Variants in PWWP3B observed in about 807,000 individuals in gnomAD.
PWWP3B encodes PWWP domain-containing DNA repair factor 3B.
A neutral mutation model predicts 15.7 loss-of-function variants in PWWP3B; 5 were observed. The ratio of observed to expected loss-of-function variants is 0.32; its 90% CI spans 0.17 to 0.67. The LOEUF is 0.67. PWWP3B is among the 30% of genes least tolerant of loss of function. PWWP3B has a pLI of 0.74. For missense variants in PWWP3B, 519 were observed against 493.1 expected, an observed-to-expected ratio of 1.05 and a Z score of -0.50; for synonymous variants, 203 against 179.8, an observed-to-expected ratio of 1.13 and a Z score of -1.03.
chrX:106,206,845 A>G lies in PWWP3B; in HGVS notation c.1413A>G (p.Ser471=). The stretch of plus-strand genomic sequence containing the variant: ...GTGAGAGTATTGACTGGTGCATCTC[A>G]CTAATTTGTGACTACAGAGTTAGAA... ...DYSESIDWCI[S]LICDYRVRIG... is the part of the protein sequence containing the mutation. The change falls in exon 4 of 4, where the codon TCA becomes TCG. Residue 471 remains serine, a synonymous_variant. Coordinates refer to ENST00000357175, the MANE Select transcript of PWWP3B (RefSeq NM_001171020.2). The G allele has an allele frequency of 8.3e-7, 1 of 1,211,106 alleles. No individual in the cohort carries two copies. Among genetic ancestry groups the G allele is most frequent in the South Asian group, 1.8e-5 (1 of 56,937 alleles).
At chrX:106,200,771 G>A (rs1488815024) in intron 2 of PWWP3B, among the ~76,000 whole-genome samples, 3 of 111,672 alleles carry the variant, frequency 2.7e-5, no homozygotes, top group Non-Finnish European at 5.6e-5. Context: ...ATTGCCGGCC[G>A]GGCGCGGTGG....
Position 106,205,648 on chromosome X carries a change from A to ACTGT in PWWP3B, c.217_218insTGTC (p.Gln73LeufsTer28). 1 of 1,210,885 alleles carries ACTGT rather than the reference A, an allele frequency of 8.3e-7. No homozygotes were observed. The highest frequency in any genetic ancestry group is 1.1e-6 in the Non-Finnish European group (1 of 894,955). ...AAGCCATTGCTGCCTCATTAGGACT[A>ACTGT]CAGTCAGAGGACAGTGCTCCACCTA... On this transcript the variant is annotated frameshift_variant, in exon 4 of 4. Transcript: ENST00000357175. LOFTEE classifies it low-confidence loss of function (END_TRUNC).
intron 2 of PWWP3B, among the ~76,000 whole-genome samples, chrX:106,181,371 T>C (rs1922189919): frequency 9.0e-6 from 1 of 111,721 alleles, no homozygotes; most frequent in African/African-American, 3.3e-5. Flanking sequence ...CAGCGCTGAT[T>C]GGTCCATTTT....
chrX:106,189,617 T>A (rs1454396641), intron 2 of PWWP3B, among the ~76,000 whole-genome samples: 1 of 100,682 alleles, frequency 9.9e-6, no homozygotes, highest in African/African-American at 3.6e-5. Flanking sequence ...ATTTTCTTTT[T>A]TTTTTTTTTT....
chrX:106,174,019 G>A (rs575260089), intron 2 of PWWP3B, among the ~76,000 whole-genome samples: 2 of 111,800 alleles, frequency 1.8e-5, no homozygotes, highest in South Asian at 7.6e-4. Flanking sequence ...TAAACATTGG[G>A]TCCTGCCAAC....
At chrX:106,198,108 A>T (rs973219779) in intron 2 of PWWP3B, among the ~76,000 whole-genome samples, 1 of 111,864 alleles carries the variant, frequency 8.9e-6, no homozygotes, top group Admixed American at 9.5e-5. Flanking sequence ...CATTAAAATC[A>T]TACTTTAAAG....
chrX:106,169,283 G>A (rs1457602766), intron 1 of PWWP3B, among the ~76,000 whole-genome samples: 5 of 111,512 alleles, frequency 4.5e-5, no homozygotes, highest in Admixed American at 1.9e-4. Flanking sequence ...GTTCAAATAT[G>A]TGGCTAAATA....
intron 2 of PWWP3B, among the ~76,000 whole-genome samples, chrX:106,191,142 G>T (rs1322564447): frequency 4.5e-5 from 5 of 110,099 alleles, no homozygotes; most frequent in African/African-American, 1.7e-4. Flanking sequence ...GGGCAGTATG[G>T]CCATTTTCAC....
chrX:106,187,006 A>G (rs966824291), intron 2 of PWWP3B, among the ~76,000 whole-genome samples: 29 of 111,981 alleles, frequency 2.6e-4, no homozygotes, highest in Non-Finnish European at 3.6e-4. Flanking sequence ...AGCTAGACAG[A>G]AAAGTTCTCC....
intron 2 of PWWP3B, among the ~76,000 whole-genome samples, chrX:106,178,682 A>T (rs1196982247): frequency 8.9e-6 from 1 of 112,458 alleles, no homozygotes; most frequent in African/African-American, 3.2e-5. Flanking sequence ...GAAAACACTT[A>T]GTAGTATGCA....
chrX:106,178,976 A>G (rs771640889), intron 2 of PWWP3B, among the ~76,000 whole-genome samples: 1 of 111,941 alleles, frequency 8.9e-6, no homozygotes, highest in African/African-American at 3.2e-5. Context: ...AAGCCTGAGA[A>G]AGCTGCTTGC....
intron 2 of PWWP3B, among the ~76,000 whole-genome samples, chrX:106,192,732 G>T (rs1300507729): frequency 9.0e-6 from 1 of 110,597 alleles, no homozygotes; most frequent in East Asian, 2.8e-4. Flanking sequence ...AGAGATTCTG[G>T]TATGTTGTGT....
rs554367085 is a variant in PWWP3B, at chrX:106,180,704, G to A, written c.-401+9565G>A. ...AGTGACCTAAGAATTTTTGTTAGATGATTGAAAGTTCACTGACTGATTTCT... is the reference window on the plus strand; with the variant it reads ...AGTGACCTAAGAATTTTTGTTAGATAATTGAAAGTTCACTGACTGATTTCT... On this transcript the variant is annotated intron_variant, in intron 2 of 3. Coordinates refer to ENST00000357175, the MANE Select transcript of PWWP3B (RefSeq NM_001171020.2). Among the ~76,000 whole-genome samples the A allele has an allele frequency of 8.9e-5, 10 of 112,066 alleles. No individual in the cohort carries two copies. In the South Asian group the frequency reaches 3.7e-3, roughly 42 times the overall value.
At position 106,190,409 on chromosome X, in the gene PWWP3B, A is replaced by C. The variant is rs191096736; in HGVS notation, c.-400-13576A>C. ...TGGGGTTGTTTGTTTTTTTCTTGTA[A>C]ATTTGTTTGAGTTCATTGTAGATTC... On this transcript the variant is annotated intron_variant, in intron 2 of 3. Transcript: ENST00000357175. Among the ~76,000 whole-genome samples, 827 of 110,948 alleles carry C rather than the reference A, an allele frequency of 7.5e-3. 1 individual carries two copies. Among genetic ancestry groups the C allele is most frequent in the South Asian group, 0.041 (108 of 2,622 alleles).
intron 2 of PWWP3B, among the ~76,000 whole-genome samples, chrX:106,175,413 T>C (rs1388058367): frequency 9.2e-6 from 1 of 108,570 alleles, no homozygotes; most frequent in Non-Finnish European, 1.9e-5. Flanking sequence ...GCTGATTTTT[T>C]GTATTTTTAG....
intron 2 of PWWP3B, among the ~76,000 whole-genome samples, chrX:106,192,257 G>T (rs1187015112): frequency 9.0e-6 from 1 of 110,912 alleles, no homozygotes; most frequent in Non-Finnish European, 1.9e-5. Context: ...ACTTCTTCCT[G>T]GTTTACTCTT....
intron 2 of PWWP3B, among the ~76,000 whole-genome samples, chrX:106,198,771 T>A (rs949315722): frequency 9.0e-6 from 1 of 111,471 alleles, no homozygotes; most frequent in African/African-American, 3.3e-5. Flanking sequence ...TAGTATAGCA[T>A]TTCCTGATTT....
At position 106,207,128 on chromosome X, in the gene PWWP3B, A is replaced by G. The variant is rs944515851; in HGVS notation, c.1696A>G (p.Thr566Ala). The change falls in exon 4 of 4, where the codon ACA (threonine) becomes GCA (alanine). Residue 566 changes from threonine (T) to alanine (A), a missense_variant. Transcript: ENST00000357175. ...LVDFIVNAKGTENHLLAIVNG... is the reference protein window; with the variant it reads ...LVDFIVNAKGAENHLLAIVNG... Reference sequence around the variant, plus strand: ...GGACTTCATTGTGAATGCAAAGGGAACAGAGAACCATCTTCTGGCCATTGT... The same window carrying G: ...GGACTTCATTGTGAATGCAAAGGGAGCAGAGAACCATCTTCTGGCCATTGT... 3 of 1,204,766 alleles carry G rather than the reference A, an allele frequency of 2.5e-6. No homozygotes were observed. The highest frequency in any genetic ancestry group is 3.5e-5 in the African/African-American group (2 of 57,289).
At chrX:106,205,134 C>A in intron 3 of PWWP3B, 85 bp from the exon 4 acceptor site, 1 of 215,707 alleles carries the variant, frequency 4.6e-6, no homozygotes, top group African/African-American at 2.9e-5. Context: ...TTTATCCCTT[C>A]TCCATTTGTA....
Sources: gnomAD v4.1 joint callset for allele counts (sites outside exome capture counted in the v4.1 genomes callset) on GRCh38, gnomAD v4.1.1 for gene constraint, MANE v1.5 for transcripts, NCBI Gene and HGNC (gene_info 2026-07-23, HGNC 2026-07-21) for gene names.